The following CHN2 variants were observed in gnomAD, a reference collection of about 807,000 sequenced individuals.
The protein encoded by CHN2 is chimerin 2.
CHN2 carries 35 observed loss-of-function variants against 56.3 expected under a neutral mutation model. The ratio of observed to expected loss-of-function variants is 0.62; its 90% CI spans 0.47 to 0.82. The LOEUF is 0.82. CHN2 is among the 40% of genes least tolerant of loss of function. The pLI, the probability that CHN2 is intolerant of heterozygous loss-of-function variation, is 0.00. For missense variants in CHN2, 491 were observed against 580.5 expected (o/e 0.85, Z 1.58); for synonymous variants, 210 against 212.8 (o/e 0.99, Z 0.12).
At chr7:29,149,286 G>A (rs749364581) in intron 2 of CHN2, among the ~76,000 whole-genome samples, 38 of 135,282 alleles carry the variant, frequency 2.8e-4, no homozygotes, top group Non-Finnish European at 3.2e-4. Flanking sequence ...TCCACCTCCC[G>A]GGTTCAAGCG....
chr7:29,234,055 G>A (rs963813672), intron 1 of CHN2, among the ~76,000 whole-genome samples: 37 of 150,442 alleles, frequency 2.5e-4, no homozygotes, highest in African/African-American at 8.6e-4. Context: ...GGATGGTCTC[G>A]ATCTCCTGAC....
intron 6 of CHN2, among the ~76,000 whole-genome samples, chr7:29,453,572 T>A (rs1784550258): frequency 6.6e-6 from 1 of 152,156 alleles, no homozygotes; most frequent in African/African-American, 2.4e-5. Context: ...TTCAACCTGA[T>A]AATTCAGGGT....
intron 7 of CHN2, chr7:29,483,863 T>C (rs1220101638): frequency 8.5e-6 from 11 of 1,300,714 alleles, no homozygotes; most frequent in African/African-American, 1.5e-5. Context: ...GGCCACACCA[T>C]GTTCTTCCAA....
chr7:29,298,659 A>C (rs2128875753), intron 1 of CHN2, among the ~76,000 whole-genome samples: 1 of 152,336 alleles, frequency 6.6e-6, no homozygotes, highest in South Asian at 2.1e-4. Flanking sequence ...AGAATTGCTT[A>C]GAACTAGAAT....
At chr7:29,305,965 T>A (rs1416042013) in intron 1 of CHN2, among the ~76,000 whole-genome samples, 1 of 151,954 alleles carries the variant, frequency 6.6e-6, no homozygotes, top group Non-Finnish European at 1.5e-5. Context: ...ATTTCTGTGT[T>A]TCATATCTAG....
chr7:29,441,592 A>G (rs1783651438), intron 6 of CHN2, among the ~76,000 whole-genome samples: 1 of 152,262 alleles, frequency 6.6e-6, no homozygotes, highest in Non-Finnish European at 1.5e-5. Context: ...AACAACCAAA[A>G]GACAATCTAA....
At chr7:29,464,133 C>T (rs767430562) in intron 6 of CHN2, among the ~76,000 whole-genome samples, 4 of 152,166 alleles carry the variant, frequency 2.6e-5, no homozygotes, top group Admixed American at 6.5e-5. Context: ...AGCATAGTTA[C>T]GATTAATCAT....
chr7:29,316,024 G>A (rs960805878), intron 1 of CHN2, among the ~76,000 whole-genome samples: 12 of 152,164 alleles, frequency 7.9e-5, no homozygotes, highest in African/African-American at 2.9e-4. Flanking sequence ...CTGAAATCTA[G>A]GTCTCGCTTT....
intron 1 of CHN2, among the ~76,000 whole-genome samples, chr7:29,298,482 G>GAAGGC (rs1793370466): frequency 2.0e-5 from 3 of 152,278 alleles, no homozygotes; most frequent in African/African-American, 7.2e-5. Context: ...GATAGAAAAG[G>GAAGGC]ATGTCTTGTG....
chr7:29,260,127 A>G (rs1471746647), intron 1 of CHN2, among the ~76,000 whole-genome samples: 2 of 152,058 alleles, frequency 1.3e-5, no homozygotes, highest in East Asian at 1.9e-4. Context: ...ACAGGCACCC[A>G]CCATCATGCC....
chr7:29,232,373 T>C (rs1170423319), intron 1 of CHN2, among the ~76,000 whole-genome samples: 1 of 152,222 alleles, frequency 6.6e-6, no homozygotes, highest in Non-Finnish European at 1.5e-5. Flanking sequence ...CTTATTTTCA[T>C]CTTGTCAGAT....
At chr7:29,334,028 A>G (rs1049078483) in intron 1 of CHN2, among the ~76,000 whole-genome samples, 1 of 151,438 alleles carries the variant, frequency 6.6e-6, no homozygotes. Context: ...CAAAAGCCAA[A>G]TGATAAATTC....
At chr7:29,153,116 TTATC>T (rs2128695562) in intron 2 of CHN2, among the ~76,000 whole-genome samples, 1 of 152,310 alleles carries the variant, frequency 6.6e-6, no homozygotes, top group African/African-American at 2.4e-5. Context: ...CTCAAATTGA[TTATC>T]TAGGTTGCTA....
upstream of CHN2, chr7:29,191,849 A>T (rs1782932157): frequency 6.6e-6 from 1 of 152,354 alleles, no homozygotes; most frequent in Non-Finnish European, 1.5e-5. Context: ...GTCCACAAAC[A>T]GGTCCCTGAG....
intron 6 of CHN2, among the ~76,000 whole-genome samples, chr7:29,451,616 G>A (rs62457782): frequency 0.016 from 2,438 of 152,076 alleles, 29 homozygotes; most frequent in Non-Finnish European, 0.025. Context: ...TCATATACGC[G>A]AAGAAGAGAG....
intron 6 of CHN2, among the ~76,000 whole-genome samples, chr7:29,467,413 C>CAG (rs1195763328): frequency 6.6e-6 from 1 of 152,072 alleles, no homozygotes; most frequent in Non-Finnish European, 1.5e-5. Flanking sequence ...GGATATGGAT[C>CAG]AGATCTGTTG....
chr7:29,345,197 A>G (rs1797333347), intron 1 of CHN2, among the ~76,000 whole-genome samples: 1 of 152,250 alleles, frequency 6.6e-6, no homozygotes, highest in Non-Finnish European at 1.5e-5. Flanking sequence ...TGAAAAAGAC[A>G]GCTTTTTCTA....
At chr7:29,293,485 C>T (rs142718557) in intron 1 of CHN2, among the ~76,000 whole-genome samples, 64 of 151,964 alleles carry the variant, frequency 4.2e-4, no homozygotes, top group Middle Eastern at 6.8e-3. Flanking sequence ...CTGGCTTCCA[C>T]AAACTGCACT....
intron 2 of CHN2, among the ~76,000 whole-genome samples, chr7:29,172,739 G>T (rs1796764765): frequency 6.6e-6 from 1 of 151,994 alleles, no homozygotes; most frequent in African/African-American, 2.4e-5. Flanking sequence ...TGTTAATTGG[G>T]AAAGAAGTAA....
Sources: allele counts gnomAD v4.1 joint callset (sites outside exome capture counted in the v4.1 genomes callset), GRCh38; gene constraint gnomAD v4.1.1; transcripts MANE v1.5; gene names NCBI Gene and HGNC (gene_info 2026-07-23, HGNC 2026-07-21).